Variants in FOXK2 observed in about 807,000 individuals in gnomAD.
FOXK2 encodes the protein forkhead box protein K2.
FOXK2 carries 24 observed loss-of-function variants against 53.3 expected under a neutral mutation model. That is an observed-to-expected ratio of 0.45 (90% CI 0.33 to 0.63). The LOEUF is 0.63. FOXK2 is among the 30% of genes least tolerant of loss of function. The probability of loss-of-function intolerance (pLI) is 0.03; values close to 1 mark genes in which losing one functional copy is unlikely to be tolerated. For missense variants in FOXK2, 952 were observed against 910.5 expected, an observed-to-expected ratio of 1.05 and a Z score of -0.59; for synonymous variants, 505 against 407.1, an observed-to-expected ratio of 1.24 and a Z score of -2.89.
intron 8 of FOXK2, among the ~76,000 whole-genome samples, chr17:82,594,766 C>G (rs927970869): frequency 4.6e-5 from 7 of 152,206 alleles, no homozygotes; most frequent in African/African-American, 1.7e-4. Context: ...GTAGGAACAG[C>G]TGGGCGCCGT....
intron 8 of FOXK2, among the ~76,000 whole-genome samples, chr17:82,598,720 C>T (rs751606359): frequency 2.6e-5 from 4 of 152,254 alleles, no homozygotes; most frequent in Non-Finnish European, 4.4e-5. Context: ...ATGCCACCTC[C>T]TAATTAGGCT....
chr17:82,576,589 AT>A, intron 4 of FOXK2: 1 of 904,730 alleles, frequency 1.1e-6, no homozygotes, highest in Non-Finnish European at 1.8e-6. Flanking sequence ...GAATGTTCCA[AT>A]TCATTGGCTG....
chr17:82,545,736 C>T (rs947983631), intron 1 of FOXK2, among the ~76,000 whole-genome samples: 11 of 152,082 alleles, frequency 7.2e-5, no homozygotes, highest in Admixed American at 3.9e-4. Context: ...TACGCACCAG[C>T]ACACCTGGCT....
chr17:82,538,721 C>T (rs913794608), intron 1 of FOXK2, among the ~76,000 whole-genome samples: 5 of 152,092 alleles, frequency 3.3e-5, no homozygotes, highest in Admixed American at 2.0e-4. Flanking sequence ...TCTTTCCAGC[C>T]GGGCCCTTCC....
intron 4 of FOXK2, 122 bp from the exon 5 acceptor site, chr17:82,582,619 C>G: frequency 1.3e-6 from 1 of 743,662 alleles, no homozygotes; most frequent in Non-Finnish European, 2.1e-6. Flanking sequence ...AAAAAATTCA[C>G]TCTTGCAGTC....
intron 2 of FOXK2, among the ~76,000 whole-genome samples, chr17:82,563,750 CCTTTT>C (rs1263393617): frequency 1.4e-4 from 13 of 94,576 alleles, no homozygotes; most frequent in Admixed American, 1.0e-3. Flanking sequence ...TTACTCATTC[CCTTTT>C]TTTTTTTTTT....
In FOXK2 at chr17:82,598,174, C is replaced by T. The variant is rs568577404; in HGVS notation, c.1787-3129C>T. Among the ~76,000 whole-genome samples, 8 of 152,218 alleles carry T rather than the reference C, an allele frequency of 5.3e-5. No individual in the cohort carries two copies. The South Asian group carries it at 1.2e-3, about 24-fold the overall frequency. On this transcript the variant is annotated intron_variant, in intron 8 of 8. Coordinates refer to ENST00000335255, the MANE Select transcript of FOXK2 (RefSeq NM_004514.4). ...AGTGCTGCAGAACACTAAACTTATT[C>T]CTTCTGTCTAGCTGTCGTTTCTAGT...
chr17:82,569,095 G>T, intron 3 of FOXK2, among the ~76,000 whole-genome samples: 1 of 152,314 alleles, frequency 6.6e-6, no homozygotes, highest in Non-Finnish European at 1.5e-5. Context: ...TTCCACTTAG[G>T]GAATAGCATG....
At chr17:82,543,123 C>T (rs2044589787) in intron 1 of FOXK2, among the ~76,000 whole-genome samples, 1 of 152,220 alleles carries the variant, frequency 6.6e-6, no homozygotes, top group Non-Finnish European at 1.5e-5. Flanking sequence ...GGACATTTCC[C>T]ACGTGGGGGT....
At chr17:82,531,795 C>T (rs1419850530) in intron 1 of FOXK2, among the ~76,000 whole-genome samples, 2 of 152,178 alleles carry the variant, frequency 1.3e-5, no homozygotes, top group Non-Finnish European at 2.9e-5. Flanking sequence ...AGGCCTAGGA[C>T]GTGACTGTAC....
chr17:82,566,114 G>A (rs1298044487), intron 2 of FOXK2, among the ~76,000 whole-genome samples: 2 of 152,114 alleles, frequency 1.3e-5, no homozygotes, highest in Non-Finnish European at 1.5e-5. Context: ...GCTTCAGTTT[G>A]GGAAATGAGA....
chr17:82,551,329 TAA>T (rs10717206), intron 1 of FOXK2, among the ~76,000 whole-genome samples: 128 of 144,230 alleles, frequency 8.9e-4, no homozygotes, highest in African/African-American at 2.4e-3. Context: ...AAAAAAAAAT[TAA>T]AAAAAAAATA....
At chr17:82,553,998 T>A (rs749410138) in intron 1 of FOXK2, among the ~76,000 whole-genome samples, 2 of 152,020 alleles carry the variant, frequency 1.3e-5, no homozygotes, top group African/African-American at 2.4e-5. Context: ...CACGCCTGGG[T>A]AATTTTTGTA....
chr17:82,552,967 G>T (rs2044691100), intron 1 of FOXK2, among the ~76,000 whole-genome samples: 1 of 152,178 alleles, frequency 6.6e-6, no homozygotes, highest in Non-Finnish European at 1.5e-5. Flanking sequence ...AGACAGTCTT[G>T]CTCTGTTGCC....
At chr17:82,560,100 G>A (rs896019610) in intron 1 of FOXK2, among the ~76,000 whole-genome samples, 1 of 151,022 alleles carries the variant, frequency 6.6e-6, no homozygotes, top group African/African-American at 2.4e-5. Flanking sequence ...CTGCCTCCCG[G>A]GTTCAAGAGA....
At chr17:82,533,550 GTAT>G (rs2044492346) in intron 1 of FOXK2, among the ~76,000 whole-genome samples, 1 of 152,014 alleles carries the variant, frequency 6.6e-6, no homozygotes, top group South Asian at 2.1e-4. Flanking sequence ...TTATTATTAA[GTAT>G]TACATATTGT....
At chr17:82,531,698 G>T (rs913214858) in intron 1 of FOXK2, among the ~76,000 whole-genome samples, 3 of 152,176 alleles carry the variant, frequency 2.0e-5, no homozygotes, top group African/African-American at 7.2e-5. Context: ...AGGTACAAAA[G>T]ATAAAGGTAC....
At chr17:82,558,762 C>G (rs1175385444) in intron 1 of FOXK2, among the ~76,000 whole-genome samples, 2 of 148,930 alleles carry the variant, frequency 1.3e-5, no homozygotes, top group East Asian at 3.9e-4. Context: ...ATCTTTACAT[C>G]TTTTTTTTTT....
chr17:82,592,154 C>T (rs2045258876), intron 8 of FOXK2, among the ~76,000 whole-genome samples: 1 of 152,234 alleles, frequency 6.6e-6, no homozygotes, highest in Non-Finnish European at 1.5e-5. Flanking sequence ...ATCCTCTAGC[C>T]TTGGCCTCCC....
Sources: allele counts gnomAD v4.1 joint callset (sites outside exome capture counted in the v4.1 genomes callset), GRCh38; gene constraint gnomAD v4.1.1; transcripts MANE v1.5; gene names NCBI Gene and HGNC (gene_info 2026-07-23, HGNC 2026-07-21).